TCFL5: variants seen among roughly 807,000 people sequenced by gnomAD.
TCFL5 encodes transcription factor-like 5 protein.
Under a neutral mutation model 44.3 loss-of-function variants are expected in TCFL5, and 9 were observed. The observed-to-expected ratio is 0.20, with a 90% CI of 0.12 to 0.35. The LOEUF is 0.35. Among genes scored for constraint, TCFL5 ranks in the 10% least tolerant of loss-of-function variants. The probability of loss-of-function intolerance (pLI) is 1.00; values close to 1 mark genes in which losing one functional copy is unlikely to be tolerated. For synonymous variants in TCFL5, 319 were observed against 271.6 expected (o/e 1.17, Z -1.72); for missense variants, 603 against 613.4 (o/e 0.98, Z 0.18).
rs1367440001 is a variant in TCFL5, at chr20:62,861,333, G to A, written c.338C>T (p.Ala113Val). 2.6e-6 allele frequency: 3 copies of A among 1,140,210 alleles called. No individual in the cohort carries two copies. Among genetic ancestry groups the A allele is most frequent in the African/African-American group, 1.7e-5 (1 of 60,456 alleles). 70.6% of individuals were successfully genotyped at this position (1,140,210 alleles called of 1,614,324 possible). A position where few individuals can be genotyped will look rare whatever the true frequency, so the allele number is the denominator to read the frequency against. ...APVYPVLCPS[A>V]LAADAPCLGH... is the part of the protein sequence containing the mutation. ...CAGGCAGGGCGCGTCGGCCGCCAGC[G>A]CGGACGGGCACAGCACGGGGTACAC... Residue 113 changes from alanine (A) to valine (V), a missense_variant, in exon 1 of 6, where the codon GCG becomes GTG. This residue lies in a region of TCFL5 where 540 missense variants were observed against 478.7 expected (regional missense o/e 1.13). Coordinates refer to ENST00000335351, the MANE Select transcript of TCFL5 (RefSeq NM_006602.4). This position sits in a 1 kb window ranked among gnomAD's most constrained non-coding sequence, Gnocchi z 4.0.
chr20:62,846,606 A>G (rs911044371), intron 5 of TCFL5, among the ~76,000 whole-genome samples: 1 of 152,132 alleles, frequency 6.6e-6, no homozygotes, highest in African/African-American at 2.4e-5. Context: ...ACATGAGAAG[A>G]ATAACAACAA....
At chr20:62,851,505 A>T in intron 5 of TCFL5, 1 of 984,222 alleles carries the variant, frequency 1.0e-6, no homozygotes, top group Non-Finnish European at 1.2e-6. Context: ...TAAAACACAA[A>T]AGCTTTATTT....
At chr20:62,846,096 A>G (rs1189777349) in intron 5 of TCFL5, 1 of 1,315,440 alleles carries the variant, frequency 7.6e-7, no homozygotes, top group East Asian at 5.3e-5. Context: ...AACATGACGT[A>G]TCTGGAGTTT....
chr20:62,861,291 T>C lies in TCFL5; in HGVS notation c.380A>G (p.Gln127Arg). The C allele has an allele frequency of 8.3e-7, 1 of 1,208,392 alleles. No homozygotes were observed. Among genetic ancestry groups the C allele is most frequent in the Non-Finnish European group, 1.0e-6 (1 of 954,508 alleles). The allele number at this position is 1,208,392 out of a possible 1,614,324, so 74.9% of individuals were successfully genotyped here. A position where few individuals can be genotyped will look rare whatever the true frequency, so the allele number is the denominator to read the frequency against. The change falls in exon 1 of 6, where the codon CAG (glutamine) becomes CGG (arginine). Residue 127 changes from glutamine to arginine, a missense_variant. This residue lies in a region of TCFL5 where 540 missense variants were observed against 478.7 expected (regional missense o/e 1.13). Transcript: ENST00000335351. This position sits in a 1 kb window ranked among gnomAD's most constrained non-coding sequence, Gnocchi z 4.0. The stretch of plus-strand genomic sequence containing the variant: ...GCTTAGCAGCATCATGCGCAGCTCC[T>C]GGAAGTCGATGTGGCCCAGGCAGGG... ...DAPCLGHIDF[Q>R]ELRMMLLSEA...
At chr20:62,855,796 A>G (rs2063879430) in intron 4 of TCFL5, among the ~76,000 whole-genome samples, 1 of 152,030 alleles carries the variant, frequency 6.6e-6, no homozygotes, top group African/African-American at 2.4e-5. Context: ...AAATAAATAA[A>G]TTGCCTTAGC....
chr20:62,846,517 GAGTTTT>G (rs2063744607), intron 5 of TCFL5, among the ~76,000 whole-genome samples: 1 of 152,190 alleles, frequency 6.6e-6, no homozygotes, highest in Non-Finnish European at 1.5e-5. Flanking sequence ...TGAAATCGTT[GAGTTTT>G]AAAGGAATTT....
chr20:62,844,308 C>T (rs960583020), intron 5 of TCFL5, among the ~76,000 whole-genome samples: 1 of 152,220 alleles, frequency 6.6e-6, no homozygotes, highest in Non-Finnish European at 1.5e-5. Flanking sequence ...GGTCTTGATT[C>T]GTATTTCCCT....
chr20:62,853,005 C>T (rs1035590083), intron 5 of TCFL5: 41 of 1,282,214 alleles, frequency 3.2e-5, no homozygotes, highest in South Asian at 2.2e-4. Flanking sequence ...TCACCCAGTC[C>T]GCAGAAGTAT....
At chr20:62,846,540 C>T (rs970703618) in intron 5 of TCFL5, among the ~76,000 whole-genome samples, 1 of 152,190 alleles carries the variant, frequency 6.6e-6, no homozygotes, top group East Asian at 1.9e-4. Context: ...ATTTTTATAA[C>T]ATCAAAACAT....
Position 62,861,236 on chromosome 20 carries a change from G to T in TCFL5, c.435C>A (p.Gly145=). The T allele has an allele frequency of 8.5e-7, 1 of 1,172,998 alleles. No individual in the cohort carries two copies. The highest frequency in any genetic ancestry group is 1.1e-6 in the Non-Finnish European group (1 of 934,044). The allele number at this position is 1,172,998 out of a possible 1,614,324, so 72.7% of individuals were successfully genotyped here. A position where few individuals can be genotyped will look rare whatever the true frequency, so the allele number is the denominator to read the frequency against. ...CCCGGGCCCTCGCTCCGTCCCCGCC[G>T]CCCGACGTCTTCTCCGCCGCGCCCG... The part of the protein sequence containing the change: ...SEAGAAEKTS[G]GGDGARARAD... The change falls in exon 1 of 6, where the codon GGC becomes GGA. Residue 145 remains glycine, a synonymous_variant. Transcript: ENST00000335351. The surrounding 1 kb of genome is among the most constrained non-coding windows in gnomAD (Gnocchi z 4.0).
At chr20:62,845,954 G>A (rs1332523152) in intron 5 of TCFL5, 1 of 1,461,066 alleles carries the variant, frequency 6.8e-7, no homozygotes, top group African/African-American at 1.4e-5. Context: ...CTGGAAATGA[G>A]CCCAGATAGA....
Position 62,859,367 on chromosome 20 carries a change from C to T in TCFL5, c.991G>A (p.Gly331Arg). The T allele has an allele frequency of 6.2e-7, 1 of 1,602,874 alleles. No individual in the cohort carries two copies. Among genetic ancestry groups the T allele is most frequent in the Non-Finnish European group, 8.5e-7 (1 of 1,171,930 alleles). Reference protein sequence around the residue: ...VLPEQVWIKVGEAALCKQALK... With the variant: ...VLPEQVWIKVREAALCKQALK... ...TACCTGCTGCTTCATCGCTTACCTCCCACTTTAATCCAAACTTGCTCAGGC... is the reference window on the plus strand; with the variant it reads ...TACCTGCTGCTTCATCGCTTACCTCTCACTTTAATCCAAACTTGCTCAGGC... The change falls in exon 3 of 6, where the codon GGA becomes AGA. Residue 331 changes from glycine (G) to arginine (R), a missense_variant. Physicochemically the swap from Gly to Arg is moderately radical, Grantham distance 125 (BLOSUM62 -2). Coordinates refer to ENST00000335351, the MANE Select transcript of TCFL5 (RefSeq NM_006602.4).
rs1157304859 is a variant in TCFL5 at position 62,854,211 on chromosome 20, G to A, written c.1239-54C>T. On this transcript the variant is annotated intron_variant, in intron 4 of 5. Transcript: ENST00000335351. The stretch of plus-strand genomic sequence containing the variant: ...AGAGAGACCGGAGCAAAACAAACAT[G>A]TAAAAGGAAGCGTCTCCTGTAGTAC... 3.8e-6 allele frequency: 6 copies of A among 1,597,562 alleles called. No homozygotes were observed. In the African/African-American group the frequency reaches 5.4e-5, roughly 14 times the overall value.
intron 4 of TCFL5, among the ~76,000 whole-genome samples, 197 bp downstream of exon 4, chr20:62,857,198 C>T (rs894975779): frequency 1.3e-5 from 2 of 152,146 alleles, no homozygotes; most frequent in South Asian, 2.1e-4. Flanking sequence ...TGCGGAGTCC[C>T]GGGAGTCCTC....
intron 5 of TCFL5, among the ~76,000 whole-genome samples, 184 bp downstream of exon 5, chr20:62,853,832 G>T (rs759805691): frequency 6.6e-6 from 1 of 152,176 alleles, no homozygotes; most frequent in Non-Finnish European, 1.5e-5. Context: ...TGTAGGCTGT[G>T]ACTATTACTT....
Position 62,861,177 on chromosome 20 carries a change from G to GCCGCGC in TCFL5, c.488_493dup (p.Gly163_Ala164dup), listed in dbSNP as rs751349557. ...GCCGTCGGGTCCAGCCGCAGCCGCA[G>GCCGCGC]CCGCGCCCGCGCCCTCCTTGGCGGC... On this transcript the variant is annotated inframe_insertion, in exon 1 of 6. Transcript: ENST00000335351. The surrounding 1 kb of genome is among the most constrained non-coding windows in gnomAD (Gnocchi z 4.0). 2.3e-5 allele frequency: 24 copies of GCCGCGC among 1,023,990 alleles called. No individual in the cohort carries two copies. The highest frequency in any genetic ancestry group is 5.2e-5 in the African/African-American group (3 of 57,440). The allele number at this position is 1,023,990 out of a possible 1,614,324, so 63.4% of individuals were successfully genotyped here. A position where few individuals can be genotyped will look rare whatever the true frequency, so the allele number is the denominator to read the frequency against.
intron 4 of TCFL5, among the ~76,000 whole-genome samples, chr20:62,855,634 C>T (rs1381100103): frequency 6.6e-6 from 1 of 152,124 alleles, no homozygotes; most frequent in Non-Finnish European, 1.5e-5. Context: ...GGCGTGGTGA[C>T]GCATGCCTGT....
In TCFL5 at chr20:62,841,208, CAGT is replaced by C. The variant is rs972539915; in HGVS notation, c.*764_*766del. 6.0e-6 allele frequency: 1 copy of C among 166,374 alleles called. No homozygotes were observed. The highest frequency in any genetic ancestry group is 2.5e-5 in the African/African-American group (1 of 40,606). 10.3% of individuals were successfully genotyped at this position (166,374 alleles called of 1,614,324 possible). A position where few individuals can be genotyped will look rare whatever the true frequency, so the allele number is the denominator to read the frequency against. On this transcript the variant is annotated 3_prime_UTR_variant, in exon 6 of 6. Coordinates refer to ENST00000335351, the MANE Select transcript of TCFL5 (RefSeq NM_006602.4). ...TGTACAAACTCACATCTCCAATTAA[CAGT>C]ATTTATTGAGGGTGACTTTGTATTG...
At chr20:62,843,845 T>C (rs1326598185) in intron 5 of TCFL5, among the ~76,000 whole-genome samples, 1 of 152,214 alleles carries the variant, frequency 6.6e-6, no homozygotes, top group African/African-American at 2.4e-5. Context: ...TCCCGCAGGG[T>C]GTGCCCTGTT....
Sources: gnomAD v4.1 joint callset for allele counts (sites outside exome capture counted in the v4.1 genomes callset) on GRCh38, gnomAD v4.1.1 for gene constraint, gnomAD v4.1.1 regional missense constraint, Gnocchi (gnomAD v3.1) non-coding constraint, MANE v1.5 for transcripts, NCBI Gene and HGNC (gene_info 2026-07-23, HGNC 2026-07-21) for gene names.